The following MARCHF1 variants were observed in gnomAD, a reference collection of about 807,000 sequenced individuals.
MARCHF1 encodes the protein membrane associated ring-CH-type finger 1.
Under a neutral mutation model 54.2 loss-of-function variants are expected in MARCHF1, and 40 were observed. That is an observed-to-expected ratio of 0.74 (90% confidence interval 0.57 to 0.96). MARCHF1 has a LOEUF of 0.96. Among genes scored for constraint, MARCHF1 ranks in the 40% least tolerant of loss-of-function variants. The pLI, the probability that MARCHF1 is intolerant of heterozygous loss-of-function variation, is 0.00. For synonymous variants in MARCHF1, 236 were observed against 236.3 expected (o/e 1.00, Z 0.01); for missense variants, 586 against 656.5 (o/e 0.89, Z 1.17).
chr4:164,365,991 A>G (rs995252232), intron 1 of MARCHF1, among the ~76,000 whole-genome samples: 2 of 151,896 alleles, frequency 1.3e-5, no homozygotes, highest in African/African-American at 4.8e-5. Context: ...AAACGCACAC[A>G]TTGCATACAT....
chr4:164,363,304 T>TATA (rs1561019631), intron 1 of MARCHF1, among the ~76,000 whole-genome samples: 2 of 152,154 alleles, frequency 1.3e-5, no homozygotes, highest in African/African-American at 4.8e-5. Flanking sequence ...TATTTAACAG[T>TATA]TTAAACAAAA....
At chr4:164,016,011 A>G (rs1023552540) in intron 2 of MARCHF1, among the ~76,000 whole-genome samples, 1 of 152,184 alleles carries the variant, frequency 6.6e-6, no homozygotes, top group African/African-American at 2.4e-5. Context: ...TTGCACTCCC[A>G]TGTATTACAG....
At chr4:163,808,500 T>C (rs887768678) in intron 4 of MARCHF1, among the ~76,000 whole-genome samples, 2 of 152,122 alleles carry the variant, frequency 1.3e-5, no homozygotes, top group Non-Finnish European at 2.9e-5. Context: ...GTAAAATGAG[T>C]ACAAATGAGG....
intron 4 of MARCHF1, among the ~76,000 whole-genome samples, chr4:163,840,352 A>G (rs1489955029): frequency 6.6e-6 from 1 of 152,132 alleles, no homozygotes; most frequent in Non-Finnish European, 1.5e-5. Context: ...AGAAAAAGGC[A>G]GATGATTTGA....
rs74286463 is a variant in MARCHF1 at position 163,914,724 on chromosome 4, T to C, written c.-38-60555A>G. On this transcript the variant is annotated intron_variant, in intron 3 of 9. Coordinates refer to ENST00000514618, the MANE Select transcript of MARCHF1 (RefSeq NM_001394959.1). Reference sequence around the variant, plus strand: ...AGTAGTGTTTGTTTTTGTTTTTATTTTGAGAAATGATAAGTGTCTAAAGCT... The same window carrying C: ...AGTAGTGTTTGTTTTTGTTTTTATTCTGAGAAATGATAAGTGTCTAAAGCT... 9.2e-3 allele frequency among the ~76,000 whole-genome samples: 1,406 copies of C among 152,250 alleles called. 91 individuals carry two copies. The East Asian group carries it at 0.17, about 18-fold the overall frequency.
chr4:163,734,764 T>C (rs1359244467), intron 4 of MARCHF1, among the ~76,000 whole-genome samples: 1 of 152,158 alleles, frequency 6.6e-6, no homozygotes, highest in African/African-American at 2.4e-5. Flanking sequence ...ATTGCAGTAA[T>C]GATTTCACAG....
At chr4:163,911,197 C>T (rs918975244) in intron 3 of MARCHF1, among the ~76,000 whole-genome samples, 4 of 152,174 alleles carry the variant, frequency 2.6e-5, no homozygotes, top group African/African-American at 9.6e-5. Context: ...TTATGTTTTA[C>T]CATCTATCTT....
chr4:164,181,035 A>G (rs944201286), intron 1 of MARCHF1, among the ~76,000 whole-genome samples: 5 of 152,112 alleles, frequency 3.3e-5, no homozygotes, highest in African/African-American at 9.7e-5. Context: ...TTAAAATCCT[A>G]TTTTACTGGA....
intron 2 of MARCHF1, among the ~76,000 whole-genome samples, 157 bp downstream of exon 2, chr4:164,111,431 A>G (rs6823234): frequency 0.84 from 127,247 of 151,590 alleles, 53,920 homozygotes; most frequent in Non-Finnish European, 0.89. Flanking sequence ...CATTGAGACC[A>G]AATAAAATTA....
chr4:163,894,473 C>A (rs981014410), intron 3 of MARCHF1, among the ~76,000 whole-genome samples: 15 of 151,082 alleles, frequency 9.9e-5, no homozygotes, highest in Admixed American at 9.2e-4. Context: ...TCAATGCCAG[C>A]CTCTGTAAGA....
At chr4:163,555,674 T>C (rs1579058963) in intron 8 of MARCHF1, among the ~76,000 whole-genome samples, 1 of 152,164 alleles carries the variant, frequency 6.6e-6, no homozygotes, top group East Asian at 1.9e-4. Context: ...GATACTTAAT[T>C]ATGGATTGTG....
intron 2 of MARCHF1, among the ~76,000 whole-genome samples, chr4:164,100,409 T>C (rs1755515944): frequency 6.6e-6 from 1 of 152,240 alleles, no homozygotes; most frequent in Non-Finnish European, 1.5e-5. Flanking sequence ...CTTTTAGCAT[T>C]CATTTAAACA....
chr4:164,080,085 T>C (rs1208561790), intron 2 of MARCHF1, among the ~76,000 whole-genome samples: 2 of 152,130 alleles, frequency 1.3e-5, no homozygotes, highest in Non-Finnish European at 2.9e-5. Context: ...AACAGGAAGC[T>C]TCTGCTTTTG....
intron 1 of MARCHF1, among the ~76,000 whole-genome samples, chr4:164,257,296 AT>A (rs901403626): frequency 3.9e-5 from 6 of 151,946 alleles, no homozygotes; most frequent in African/African-American, 1.2e-4. Context: ...TTTTATCTTA[AT>A]TTTTTTTAAA....
intron 4 of MARCHF1, among the ~76,000 whole-genome samples, chr4:163,774,655 C>T (rs1212310561): frequency 6.6e-6 from 1 of 151,986 alleles, no homozygotes; most frequent in Non-Finnish European, 1.5e-5. Flanking sequence ...CCAACAAGCC[C>T]AGCTAATTTT....
intron 7 of MARCHF1, among the ~76,000 whole-genome samples, chr4:163,595,314 G>A (rs11736849): frequency 0.33 from 50,099 of 150,414 alleles, 9,190 homozygotes; most frequent in Non-Finnish European, 0.42. Flanking sequence ...TTTGAGACCC[G>A]CCTGGGTAAC....
chr4:164,283,110 T>A (rs573509693), intron 1 of MARCHF1, among the ~76,000 whole-genome samples: 9 of 151,226 alleles, frequency 6.0e-5, no homozygotes, highest in Middle Eastern at 3.4e-3. Context: ...AGAGCAAAAA[T>A]ACCAATCCTT....
intron 3 of MARCHF1, chr4:163,932,711 C>T (rs1015270048): frequency 1.5e-5 from 8 of 526,970 alleles, no homozygotes; most frequent in Middle Eastern, 3.8e-4. Context: ...TCTTAAACAT[C>T]GAGCAGAAGA....
At chr4:163,903,180 C>G (rs1209367975) in intron 3 of MARCHF1, among the ~76,000 whole-genome samples, 2 of 151,906 alleles carry the variant, frequency 1.3e-5, no homozygotes, top group Admixed American at 6.6e-5. Flanking sequence ...AAATACTTAA[C>G]TTTTGTGTGG....
Sources: gnomAD v4.1 joint callset for allele counts (sites outside exome capture counted in the v4.1 genomes callset) on GRCh38, gnomAD v4.1.1 for gene constraint, MANE v1.5 for transcripts, NCBI Gene and HGNC (gene_info 2026-07-23, HGNC 2026-07-21) for gene names.